The following PRMT3 variants were observed in gnomAD, a reference collection of about 807,000 sequenced individuals.
PRMT3 encodes the protein protein arginine N-methyltransferase 3.
PRMT3 carries 62 observed loss-of-function variants against 71.9 expected under a neutral mutation model. The ratio of observed to expected loss-of-function variants is 0.86; its 90% CI spans 0.70 to 1.07. The LOEUF (loss-of-function observed/expected upper bound fraction) is 1.07, where lower values mean the gene tolerates loss of function less well. Among genes scored for constraint, PRMT3 ranks in the 50% least tolerant of loss-of-function variants. PRMT3 has a pLI of 0.00. For missense variants in PRMT3, 663 were observed against 643.0 expected (o/e 1.03, Z -0.34); for synonymous variants, 213 against 220.4 (o/e 0.97, Z 0.30).
chr11:20,447,879 GT>G (rs926824314), intron 10 of PRMT3, among the ~76,000 whole-genome samples: 7 of 152,108 alleles, frequency 4.6e-5, no homozygotes, highest in Admixed American at 2.6e-4. Flanking sequence ...GATATAGTTG[GT>G]TTTTTTCTAT....
intron 11 of PRMT3, among the ~76,000 whole-genome samples, chr11:20,458,432 G>A (rs746304827): frequency 1.3e-4 from 20 of 152,282 alleles, no homozygotes; most frequent in Admixed American, 2.6e-4. Context: ...GCAGTGAATC[G>A]AGAAGGACAC....
At chr11:20,490,849 T>C (rs1851189011) in intron 13 of PRMT3, among the ~76,000 whole-genome samples, 1 of 152,218 alleles carries the variant, frequency 6.6e-6, no homozygotes, top group Admixed American at 6.5e-5. Context: ...AGAACTTCTT[T>C]TAAAATGTTT....
chr11:20,409,767 T>C (rs919790268), intron 9 of PRMT3, among the ~76,000 whole-genome samples: 6 of 152,018 alleles, frequency 3.9e-5, no homozygotes, highest in Non-Finnish European at 5.9e-5. Flanking sequence ...CTAGTTCTTA[T>C]GATACCATTA....
rs534451649 is a variant in PRMT3 at position 20,472,229 on chromosome 11, A to G, written c.1347+7683A>G. ...CTGATTGCCCTGGCCAGGACTTCCA[A>G]TACTATGTTGAATAGGAGTGGTGAG... On this transcript the variant is annotated intron_variant, in intron 13 of 15. Transcript: ENST00000331079. Among the ~76,000 whole-genome samples, 497 of 152,296 alleles carry G rather than the reference A, an allele frequency of 3.3e-3. 2 individuals are homozygous for G. Among genetic ancestry groups the G allele is most frequent in the Non-Finnish European group, 4.1e-3 (278 of 68,018 alleles).
intron 10 of PRMT3, among the ~76,000 whole-genome samples, chr11:20,445,000 A>G (rs866155730): frequency 1.3e-5 from 2 of 151,942 alleles, no homozygotes; most frequent in African/African-American, 4.8e-5. Context: ...GTCCCTGATA[A>G]TGTTTTTAAT....
At chr11:20,434,300 A>G (rs1202781439) in intron 10 of PRMT3, among the ~76,000 whole-genome samples, 1 of 152,176 alleles carries the variant, frequency 6.6e-6, no homozygotes, top group Non-Finnish European at 1.5e-5. Flanking sequence ...CATAGTTTGC[A>G]AATATTTTCT....
intron 10 of PRMT3, among the ~76,000 whole-genome samples, 178 bp from the exon 11 acceptor site, chr11:20,451,952 G>A (rs1850159023): frequency 6.6e-6 from 1 of 151,986 alleles, no homozygotes; most frequent in Non-Finnish European, 1.5e-5. Flanking sequence ...TTATAAGCTG[G>A]CCTGATTTTC....
chr11:20,439,522 G>A (rs555507832), intron 10 of PRMT3, among the ~76,000 whole-genome samples: 2 of 152,182 alleles, frequency 1.3e-5, no homozygotes, highest in Non-Finnish European at 2.9e-5. Context: ...AAAGGGGCAA[G>A]TGCTAGTGGC....
intron 8 of PRMT3, among the ~76,000 whole-genome samples, chr11:20,404,929 A>G (rs1849038662): frequency 6.6e-6 from 1 of 152,218 alleles, no homozygotes; most frequent in Non-Finnish European, 1.5e-5. Context: ...CTTGTTAAGA[A>G]AGTAAGTTAG....
At chr11:20,469,936 A>C (rs879386771) in intron 13 of PRMT3, among the ~76,000 whole-genome samples, 6 of 152,166 alleles carry the variant, frequency 3.9e-5, no homozygotes, top group Non-Finnish European at 7.4e-5. Flanking sequence ...GTTAAAGATA[A>C]ACATCTGAAT....
chr11:20,392,314 G>A, intron 4 of PRMT3, 54 bp downstream of exon 4: 1 of 1,489,922 alleles, frequency 6.7e-7, no homozygotes, highest in Non-Finnish European at 9.2e-7. Context: ...AAATGCTACA[G>A]TGACTGTCAG....
intron 9 of PRMT3, among the ~76,000 whole-genome samples, chr11:20,409,534 G>A (rs190582937): frequency 5.7e-4 from 87 of 152,152 alleles, no homozygotes; most frequent in African/African-American, 1.9e-3. Flanking sequence ...TATTTGGAGC[G>A]TTAGCTATGG....
chr11:20,478,648 G>A (rs1184926343), intron 13 of PRMT3, among the ~76,000 whole-genome samples: 1 of 151,992 alleles, frequency 6.6e-6, no homozygotes, highest in Admixed American at 6.6e-5. Flanking sequence ...TAAGGCTAAT[G>A]CAATTGCTAT....
rs975228371 is a variant in PRMT3 at position 20,387,914 on chromosome 11, G to C, written c.29-105G>C. On this transcript the variant is annotated intron_variant, in intron 1 of 15. Coordinates refer to ENST00000331079, the MANE Select transcript of PRMT3 (RefSeq NM_005788.4). This position sits in a 1 kb window ranked among gnomAD's most constrained non-coding sequence, Gnocchi z 4.3. The stretch of plus-strand genomic sequence containing the variant: ...ATCATGAAGGAGGTGCTGAGTGAGG[G>C]CCGCGGGCGAACGGGGCGGAGGAGA... 21 of 1,572,812 alleles carry C rather than the reference G, an allele frequency of 1.3e-5. No homozygotes were observed. Among genetic ancestry groups the C allele is most frequent in the Admixed American group, 1.8e-5 (1 of 55,348 alleles).
intron 13 of PRMT3, among the ~76,000 whole-genome samples, chr11:20,469,278 T>C (rs760941981): frequency 6.6e-6 from 1 of 152,200 alleles, no homozygotes; most frequent in Non-Finnish European, 1.5e-5. Context: ...AATTTAGAAG[T>C]CATATGTTTT....
intron 7 of PRMT3, among the ~76,000 whole-genome samples, chr11:20,399,594 C>G (rs1031093994): frequency 6.6e-6 from 1 of 151,950 alleles, no homozygotes; most frequent in South Asian, 2.1e-4. Context: ...ATTAAATCAC[C>G]CCATCAGCTT....
At chr11:20,483,788 T>C (rs1411251877) in intron 13 of PRMT3, among the ~76,000 whole-genome samples, 1 of 152,202 alleles carries the variant, frequency 6.6e-6, no homozygotes, top group Non-Finnish European at 1.5e-5. Context: ...CCTTGTATAC[T>C]CTTCCTTTCC....
intron 2 of PRMT3, among the ~76,000 whole-genome samples, 195 bp downstream of exon 2, chr11:20,388,349 C>T (rs1028409645): frequency 6.6e-6 from 1 of 152,208 alleles, no homozygotes; most frequent in African/African-American, 2.4e-5. Flanking sequence ...AACTGGAAGG[C>T]CGGTTGTACT....
chr11:20,404,558 A>G (rs115581101), intron 8 of PRMT3, among the ~76,000 whole-genome samples: 2,113 of 152,282 alleles, frequency 0.014, 64 homozygotes, highest in African/African-American at 0.048. Flanking sequence ...TTGCAAAACA[A>G]GTGCTGGAAA....
Sources: allele counts gnomAD v4.1 joint callset (sites outside exome capture counted in the v4.1 genomes callset), GRCh38; gene constraint gnomAD v4.1.1; non-coding constraint Gnocchi (gnomAD v3.1); transcripts MANE v1.5; gene names NCBI Gene and HGNC (gene_info 2026-07-23, HGNC 2026-07-21).